Variants in TTC13 observed in about 807,000 individuals in gnomAD.
TTC13 encodes tetratricopeptide repeat domain 13.
In TTC13, 62 loss-of-function variants were observed where a neutral mutation model predicts 120.0. The ratio of observed to expected loss-of-function variants is 0.52; its 90% CI spans 0.42 to 0.64. TTC13 has a LOEUF of 0.64. TTC13 is among the 30% of genes least tolerant of loss of function. The pLI is 0.00. For missense variants in TTC13, 824 were observed against 1,050.2 expected (o/e 0.78, Z 2.98); for synonymous variants, 384 against 393.5 (o/e 0.98, Z 0.28).
At position 230,907,136 on chromosome 1, in the gene TTC13, C is replaced by T. The variant is rs554162691; in HGVS notation, c.2469-117G>A. ...ATTATATTCATGTTGTAATATCAAA[C>T]AGTGTTAGAAAGGCAGGGAGGAGCT... On this transcript the variant is annotated intron_variant, in intron 22 of 22. Transcript: ENST00000366661. 4.3e-5 allele frequency: 19 copies of T among 442,572 alleles called. 1 individual carries two copies. The South Asian group carries it at 9.3e-4, about 22-fold the overall frequency. 27.4% of individuals were successfully genotyped at this position (442,572 alleles called of 1,614,324 possible).
intron 20 of TTC13, among the ~76,000 whole-genome samples, chr1:230,910,440 C>G (rs1572168419): frequency 6.6e-6 from 1 of 152,202 alleles, no homozygotes. Flanking sequence ...TGGAGAGCCG[C>G]AGGGCACAGA....
chr1:230,951,976 C>G (rs7533157), intron 4 of TTC13, among the ~76,000 whole-genome samples: 82,429 of 152,014 alleles, frequency 0.54, 22,416 homozygotes, highest in Admixed American at 0.61. Context: ...AAAACTCAAA[C>G]AGAGACTGCG....
At chr1:230,939,759 T>A (rs1674381352) in intron 7 of TTC13, among the ~76,000 whole-genome samples, 3 of 152,240 alleles carry the variant, frequency 2.0e-5, no homozygotes, top group Non-Finnish European at 4.4e-5. Flanking sequence ...AAAATTTATC[T>A]CAAATAGTAT....
intron 22 of TTC13, 143 bp downstream of exon 22, chr1:230,908,569 G>T: frequency 1.5e-6 from 1 of 677,428 alleles, no homozygotes. Context: ...CCTTGAAAAA[G>T]TGAATTAAAT....
rs1267273001 is a variant in TTC13, at chr1:230,978,801, G to A, written c.30C>T (p.Cys10=). 1.3e-6 allele frequency: 2 copies of A among 1,492,680 alleles called. No homozygotes were observed. The highest frequency in any genetic ancestry group is 2.7e-5 in the East Asian group (1 of 36,998). 92.5% of individuals were successfully genotyped at this position (1,492,680 alleles called of 1,614,324 possible). The change falls in exon 1 of 23, where the codon TGC becomes TGT. Residue 10 remains cysteine, a synonymous_variant. Coordinates refer to ENST00000366661, the MANE Select transcript of TTC13 (RefSeq NM_024525.5). The surrounding 1 kb of genome is among the most constrained non-coding windows in gnomAD (Gnocchi z 5.6). The part of the protein sequence containing the change: MAPAGCCCC[C]CFWGGAVAAA... ...CGGCCACAGCGCCGCCCCAGAAGCA[G>A]CAGCAGCAGCAGCAGCCGGCAGGTG...
intron 1 of TTC13, among the ~76,000 whole-genome samples, chr1:230,971,324 C>A: frequency 1.8e-5 from 2 of 109,488 alleles, no homozygotes; most frequent in South Asian, 6.5e-4. Context: ...CCAGCCTGGG[C>A]AACAGAGCAA....
intron 12 of TTC13, among the ~76,000 whole-genome samples, chr1:230,928,341 A>G (rs1216045913): frequency 6.6e-6 from 1 of 152,184 alleles, no homozygotes; most frequent in Non-Finnish European, 1.5e-5. Context: ...TTTTATACAG[A>G]TCTTGTAAGA....
In TTC13 at chr1:230,931,349, G is replaced by A. The variant is rs1341887853; in HGVS notation, c.1249C>T (p.Leu417Phe). ...TCAGGGCTAGCCTTCTGGCCTGGGA[G>A]AGGATCATTCAGCATAACTTTTGTT... The part of the protein sequence containing the change: ...AQTKVMLNDP[L>F]PGQKASPEYL... Residue 417 changes from leucine (L) to phenylalanine (F), a missense_variant, in exon 11 of 23, where the codon CTC (leucine) becomes TTC (phenylalanine). Physicochemically the swap from Leu to Phe is conservative, Grantham distance 22. This residue lies in a region of TTC13 where 430 missense variants were observed against 626.8 expected (regional missense o/e 0.69). Coordinates refer to ENST00000366661, the MANE Select transcript of TTC13 (RefSeq NM_024525.5). 6 of 1,614,226 alleles carry A rather than the reference G, an allele frequency of 3.7e-6. No individual in the cohort carries two copies. In the South Asian group the frequency reaches 5.5e-5, roughly 15 times the overall value.
Position 230,907,005 on chromosome 1 carries a change from T to C in TTC13, c.2483A>G (p.Tyr828Cys). ...TTCTGATACTGATGGAAGAGTCTTA[T>C]AAGAAGGTGAAATACTGAAAAAGAA... ...WMNLKSISPS[Y>C]KTLPSVSETF... Residue 828 changes from tyrosine to cysteine, a missense_variant, in exon 23 of 23, where the codon TAT (tyrosine) becomes TGT (cysteine). By Grantham distance (194) the Tyr-to-Cys change is radical. Around this residue, in one of 4 missense-constraint regions of TTC13, gnomAD observed 226 missense variants for 259.1 expected, o/e 0.87. Coordinates refer to ENST00000366661, the MANE Select transcript of TTC13 (RefSeq NM_024525.5). The C allele has an allele frequency of 3.3e-6, 5 of 1,517,614 alleles. No individual in the cohort carries two copies. The highest frequency in any genetic ancestry group is 4.4e-6 in the Non-Finnish European group (5 of 1,138,440). 94.0% of individuals were successfully genotyped at this position (1,517,614 alleles called of 1,614,324 possible).
In TTC13 at chr1:230,916,291, A is replaced by G; in HGVS notation, c.1995T>C (p.Thr665=). The G allele has an allele frequency of 6.2e-6, 10 of 1,613,548 alleles. No individual in the cohort carries two copies. The highest frequency in any genetic ancestry group is 7.6e-6 in the Non-Finnish European group (9 of 1,179,460). The change falls in exon 18 of 23, where the codon ACT becomes ACC. Residue 665 remains threonine, a synonymous_variant. Transcript: ENST00000366661. ...TCACGGTGAACCCATCCTTCGTTTTAGTATTAAACTGCTTTCAGGGAAAAA... is the reference window on the plus strand; with the variant it reads ...TCACGGTGAACCCATCCTTCGTTTTGGTATTAAACTGCTTTCAGGGAAAAA... ...DLLPIMKQFN[T]KTKDGFTVNT...
chr1:230,920,627 G>GATT, intron 16 of TTC13, 33 bp from the exon 17 acceptor site: 1 of 1,268,860 alleles, frequency 7.9e-7, no homozygotes, highest in Non-Finnish European at 1.1e-6. Context: ...TGGCAACTGA[G>GATT]ATTAATGCAG....
At chr1:230,969,021 TC>T (rs1286913890) in intron 1 of TTC13, among the ~76,000 whole-genome samples, 3 of 152,182 alleles carry the variant, frequency 2.0e-5, no homozygotes, top group Non-Finnish European at 2.9e-5. Flanking sequence ...ACGCCTGTAA[TC>T]CCAGCACTTT....
chr1:230,937,688 TG>T (rs1674188717), intron 8 of TTC13, among the ~76,000 whole-genome samples: 1 of 152,262 alleles, frequency 6.6e-6, no homozygotes, highest in South Asian at 2.1e-4. Context: ...TTTAGTGGGA[TG>T]GGAGTTTTCT....
rs5781607 is a variant in TTC13 at position 230,915,356 on chromosome 1, A to ATGTG, written c.2093+833_2093+836dup. 7.5e-3 allele frequency among the ~76,000 whole-genome samples: 1,128 copies of ATGTG among 150,536 alleles called. 10 individuals carry two copies. The highest frequency in any genetic ancestry group is 0.022 in the African/African-American group (887 of 41,144). ...GCACCTGAATATGGGGTGTGTGTGT[A>ATGTG]TGTGTGTGTGTGTGTGTGCACAGCT... On this transcript the variant is annotated intron_variant, in intron 18 of 22. Coordinates refer to ENST00000366661, the MANE Select transcript of TTC13 (RefSeq NM_024525.5).
At position 230,924,962 on chromosome 1, in the gene TTC13, C is replaced by A. The variant is rs772785204; in HGVS notation, c.1600G>T (p.Ala534Ser). Residue 534 changes from alanine to serine, a missense_variant, in exon 14 of 23, where the codon GCC (alanine) becomes TCC (serine). By Grantham distance (99) the Ala-to-Ser change is moderately conservative (BLOSUM62 1). This residue lies in a region of TTC13 where 430 missense variants were observed against 626.8 expected (regional missense o/e 0.69). Transcript: ENST00000366661. ...NKRIHRAMGL[A>S]ALEVMQAVQR... ...ACGGCTTGCATGACCTCCAATGCGG[C>A]CAAACCCATAGCTACGAGAAAGGAA... 1 of 1,614,126 alleles carries A rather than the reference C, an allele frequency of 6.2e-7. No homozygotes were observed. Among genetic ancestry groups the A allele is most frequent in the Non-Finnish European group, 8.5e-7 (1 of 1,180,010 alleles).
intron 1 of TTC13, among the ~76,000 whole-genome samples, chr1:230,976,971 C>G (rs1678376470): frequency 6.6e-6 from 1 of 152,172 alleles, no homozygotes; most frequent in Non-Finnish European, 1.5e-5. Context: ...GGAAATTTAC[C>G]CAACATGCAC....
intron 4 of TTC13, among the ~76,000 whole-genome samples, chr1:230,952,536 A>G (rs1026547255): frequency 2.0e-5 from 3 of 152,238 alleles, no homozygotes; most frequent in African/African-American, 7.2e-5. Context: ...CAGATTTCCC[A>G]GCTGAAAGCA....
chr1:230,978,816 G>A lies in TTC13; in HGVS notation c.15C>T (p.Gly5=). Residue 5 remains glycine (G), a synonymous_variant, in exon 1 of 23, where the codon GGC becomes GGT. Transcript: ENST00000366661. The surrounding 1 kb of genome is among the most constrained non-coding windows in gnomAD (Gnocchi z 5.6). MAPA[G]CCCCCCFWGG... ...CCCAGAAGCAGCAGCAGCAGCAGCA[G>A]CCGGCAGGTGCCATCTTCCCTCAAG... The A allele has an allele frequency of 6.7e-6, 10 of 1,482,582 alleles. No homozygotes were observed. Among genetic ancestry groups the A allele is most frequent in the Non-Finnish European group, 8.9e-6 (10 of 1,127,058 alleles). 91.8% of individuals were successfully genotyped at this position (1,482,582 alleles called of 1,614,324 possible).
intron 8 of TTC13, chr1:230,936,167 G>C (rs1255292328): frequency 2.2e-6 from 1 of 456,128 alleles, no homozygotes; most frequent in South Asian, 1.5e-5. Context: ...CAGCATGCTT[G>C]GACGCCACAG....
Sources: allele counts gnomAD v4.1 joint callset (sites outside exome capture counted in the v4.1 genomes callset), GRCh38; gene constraint gnomAD v4.1.1; regional missense constraint gnomAD v4.1.1; non-coding constraint Gnocchi (gnomAD v3.1); transcripts MANE v1.5; gene names NCBI Gene and HGNC (gene_info 2026-07-23, HGNC 2026-07-21).